NXN: variants seen among roughly 807,000 people sequenced by gnomAD.
NXN encodes the protein nucleoredoxin 1.
NXN carries 16 observed loss-of-function variants against 48.6 expected under a neutral mutation model. The ratio of observed to expected loss-of-function variants is 0.33; its 90% CI spans 0.22 to 0.50. The LOEUF (loss-of-function observed/expected upper bound fraction) is 0.50, where lower values mean the gene tolerates loss of function less well. Ranked by LOEUF, NXN falls within the 20% of genes least tolerant of loss-of-function variation. The pLI, the probability that NXN is intolerant of heterozygous loss-of-function variation, is 0.98. For synonymous variants in NXN, 281 were observed against 269.6 expected (o/e 1.04, Z -0.41); for missense variants, 492 against 605.5 (o/e 0.81, Z 1.97).
At chr17:804,986 A>T (rs1379771895) in intron 6 of NXN, 82 bp downstream of exon 6, 2 of 1,409,930 alleles carry the variant, frequency 1.4e-6, no homozygotes, top group African/African-American at 2.8e-5. Context: ...GAGAAGCGGC[A>T]GGGACAGGCT....
At chr17:916,876 C>A (rs1214328308) in intron 1 of NXN, among the ~76,000 whole-genome samples, 2 of 152,042 alleles carry the variant, frequency 1.3e-5, no homozygotes, top group African/African-American at 4.8e-5. Flanking sequence ...CCGGCCTGGG[C>A]AACAGAGAGA....
intron 1 of NXN, among the ~76,000 whole-genome samples, chr17:827,252 G>C (rs1913159872): frequency 6.6e-6 from 1 of 151,960 alleles, no homozygotes; most frequent in South Asian, 2.1e-4. Context: ...GCCGAGGTGG[G>C]TGGATCATGA....
intron 1 of NXN, among the ~76,000 whole-genome samples, chr17:841,493 ACGGCG>A (rs1310589043): frequency 7.9e-5 from 11 of 139,752 alleles, no homozygotes; most frequent in Middle Eastern, 3.9e-3. Flanking sequence ...CCCCCTGACC[ACGGCG>A]CATCTCACAC....
Position 978,076 on chromosome 17 carries a change from TC to T in NXN, c.360+1242del, listed in dbSNP as rs2069482529. The stretch of plus-strand genomic sequence containing the variant: ...TGGGGTCACAGTGTAAGCCTTTTGC[TC>T]CCAGTAAATCTAAATCATGCTTCTC... On this transcript the variant is annotated intron_variant, in intron 1 of 7. Coordinates refer to ENST00000336868, the MANE Select transcript of NXN (RefSeq NM_022463.5). The surrounding 1 kb of genome is among the most constrained non-coding windows in gnomAD (Gnocchi z 4.1). Among the ~76,000 whole-genome samples the T allele has an allele frequency of 6.6e-6, 1 of 152,152 alleles. No homozygotes were observed. The highest frequency in any genetic ancestry group is 1.5e-5 in the Non-Finnish European group (1 of 68,038).
intron 1 of NXN, among the ~76,000 whole-genome samples, chr17:945,228 C>T (rs969225112): frequency 7.2e-5 from 11 of 151,782 alleles, no homozygotes; most frequent in Non-Finnish European, 1.6e-4. Context: ...ACTACAGGCG[C>T]CCGCCACCAC....
chr17:844,864 T>C (rs944026630), intron 1 of NXN, among the ~76,000 whole-genome samples: 2 of 152,090 alleles, frequency 1.3e-5, no homozygotes, highest in Non-Finnish European at 1.5e-5. Context: ...ATTACAGGCA[T>C]GAGCCACTGC....
intron 1 of NXN, among the ~76,000 whole-genome samples, chr17:887,665 G>A (rs1428855048): frequency 6.6e-6 from 1 of 152,150 alleles, no homozygotes; most frequent in Non-Finnish European, 1.5e-5. Flanking sequence ...TTCTGGCGGA[G>A]ACATGACCCC....
At chr17:853,723 A>ATATATATATATATATATATT (rs1491528474) in intron 1 of NXN, among the ~76,000 whole-genome samples, 27 of 105,956 alleles carry the variant, frequency 2.5e-4, no homozygotes, top group Non-Finnish European at 4.1e-4. Flanking sequence ...ATATATATAT[A>ATATATATATATATATATATT]TTTTTTTTTT....
At chr17:929,245 C>T (rs902769619) in intron 1 of NXN, among the ~76,000 whole-genome samples, 1 of 152,250 alleles carries the variant, frequency 6.6e-6, no homozygotes, top group Non-Finnish European at 1.5e-5. Flanking sequence ...CTCTGTCCCC[C>T]ACCACCTGGC....
rs62068447 is a variant in NXN at position 889,761 on chromosome 17, A to G, written c.361-63683T>C. Among the ~76,000 whole-genome samples, 212 of 70,790 alleles carry G rather than the reference A, an allele frequency of 3.0e-3. 4 individuals are homozygous for G. Among genetic ancestry groups the G allele is most frequent in the East Asian group, 0.016 (47 of 2,910 alleles). The allele number at this position is 70,790 out of a possible 152,430, so 46.4% of individuals were successfully genotyped here. A position where few individuals can be genotyped will look rare whatever the true frequency, so the allele number is the denominator to read the frequency against. Reference sequence around the variant, plus strand: ...AAAGAAAGAAAGAAAGAAAGAAAGAAAAAGAAAGAAAGAAAAGAGAGAGAA... The same window carrying G: ...AAAGAAAGAAAGAAAGAAAGAAAGAGAAAGAAAGAAAGAAAAGAGAGAGAA... On this transcript the variant is annotated intron_variant, in intron 1 of 7. Transcript: ENST00000336868.
At chr17:872,519 A>C (rs1289974595) in intron 1 of NXN, among the ~76,000 whole-genome samples, 1 of 151,810 alleles carries the variant, frequency 6.6e-6, no homozygotes, top group African/African-American at 2.4e-5. Context: ...ATGGTGTTTA[A>C]TCTTCAGTGC....
chr17:870,024 G>A (rs141304054), intron 1 of NXN, among the ~76,000 whole-genome samples: 101 of 152,320 alleles, frequency 6.6e-4, no homozygotes, highest in Admixed American at 3.1e-3. Context: ...GCCTGGGAAC[G>A]TTCCTGGCTG....
chr17:896,461 C>T (rs1192814303), intron 1 of NXN, among the ~76,000 whole-genome samples: 1 of 152,118 alleles, frequency 6.6e-6, no homozygotes, highest in Admixed American at 6.6e-5. Flanking sequence ...GAGCTGTGAT[C>T]GTGCCACGGC....
rs950066714 is a variant in NXN at position 979,753 on chromosome 17, T to TCGG, written c.-78_-76dup. On this transcript the variant is annotated 5_prime_UTR_variant, in exon 1 of 8. Coordinates refer to ENST00000336868, the MANE Select transcript of NXN (RefSeq NM_022463.5). ...CGCGCGGCGGGAGGAGGCGGCGGCGTCGGCGGCAGGCGCTGGGGAGAGCAG... is the reference window on the plus strand; with the variant it reads ...CGCGCGGCGGGAGGAGGCGGCGGCGTCGGCGGCGGCAGGCGCTGGGGAGAGCAG... 3.1e-4 allele frequency: 378 copies of TCGG among 1,205,208 alleles called. 1 individual carries two copies. Among genetic ancestry groups the TCGG allele is most frequent in the Non-Finnish European group, 8.5e-5 (81 of 955,308 alleles). 74.7% of individuals were successfully genotyped at this position (1,205,208 alleles called of 1,614,324 possible). A position where few individuals can be genotyped will look rare whatever the true frequency, so the allele number is the denominator to read the frequency against.
chr17:906,660 G>A (rs1317191949), intron 1 of NXN, among the ~76,000 whole-genome samples: 15 of 151,200 alleles, frequency 9.9e-5, no homozygotes, highest in Non-Finnish European at 1.8e-4. Flanking sequence ...TCCACCTCCC[G>A]GGTTCAAGTG....
intron 1 of NXN, among the ~76,000 whole-genome samples, chr17:895,800 G>GGCAGAGCCAGAC (rs1327841147): frequency 6.8e-6 from 1 of 147,226 alleles, no homozygotes; most frequent in Non-Finnish European, 1.5e-5. Context: ...CCTGGGTTTT[G>GGCAGAGCCAGAC]TTTGTCTCAA....
chr17:822,972 C>A (rs954531770), intron 3 of NXN, among the ~76,000 whole-genome samples: 1 of 151,906 alleles, frequency 6.6e-6, no homozygotes, highest in African/African-American at 2.4e-5. Context: ...TGGTAGTGTG[C>A]GCCTGGAGCC....
intron 1 of NXN, among the ~76,000 whole-genome samples, chr17:906,230 C>G (rs901881839): frequency 5.9e-5 from 9 of 152,144 alleles, no homozygotes; most frequent in African/African-American, 1.9e-4. Context: ...AGTGGCGGCC[C>G]CTGGACCACA....
intron 1 of NXN, among the ~76,000 whole-genome samples, chr17:976,488 T>C (rs958002128): frequency 6.6e-6 from 1 of 152,180 alleles, no homozygotes; most frequent in Admixed American, 6.5e-5. Flanking sequence ...AAATTAGCAA[T>C]CTGGAACTCT....
Sources: gnomAD v4.1 joint callset for allele counts (sites outside exome capture counted in the v4.1 genomes callset) on GRCh38, gnomAD v4.1.1 for gene constraint, Gnocchi (gnomAD v3.1) non-coding constraint, MANE v1.5 for transcripts, NCBI Gene and HGNC (gene_info 2026-07-23, HGNC 2026-07-21) for gene names.